The following C1QL4 variants were observed in gnomAD, a reference collection of about 807,000 sequenced individuals.
The protein encoded by C1QL4 is complement C1q like 4, also known as complement C1q-like protein 4.
Under a neutral mutation model 13.4 loss-of-function variants are expected in C1QL4, and 5 were observed. That is an observed-to-expected ratio of 0.37 (90% confidence interval 0.19 to 0.78). C1QL4 has a LOEUF of 0.78. Ranked by LOEUF, C1QL4 falls within the 30% of genes least tolerant of loss-of-function variation. The pLI, the probability that C1QL4 is intolerant of heterozygous loss-of-function variation, is 0.47. For missense variants in C1QL4, 367 were observed against 361.6 expected, an observed-to-expected ratio of 1.01 and a Z score of -0.12; for synonymous variants, 168 against 153.9, an observed-to-expected ratio of 1.09 and a Z score of -0.68.
In C1QL4 at chr12:49,336,725, G is replaced by A. The variant is rs930110885; in HGVS notation, c.-248C>T. On this transcript the variant is annotated 5_prime_UTR_variant, in exon 1 of 2. Transcript: ENST00000334221. This position sits in a 1 kb window ranked among gnomAD's most constrained non-coding sequence, Gnocchi z 7.7. ...CGCTCCCCAAGCCGTCCGTCAAGGG[G>A]AGGCCCCTCGTGGGTTACGTCAGGG... 7.1e-5 allele frequency: 33 copies of A among 461,772 alleles called. No individual in the cohort carries two copies. The Admixed American group carries it at 7.5e-4, about 10-fold the overall frequency. The allele number at this position is 461,772 out of a possible 1,614,324, so 28.6% of individuals were successfully genotyped here. A position where few individuals can be genotyped will look rare whatever the true frequency, so the allele number is the denominator to read the frequency against.
chr12:49,334,110 T>C (rs1943613044), intron 1 of C1QL4, among the ~76,000 whole-genome samples: 1 of 152,030 alleles, frequency 6.6e-6, no homozygotes, highest in Admixed American at 6.6e-5. Flanking sequence ...GGAGAATCGC[T>C]TGAACCCAGG....
chr12:49,335,488 A>G (rs571970195), intron 1 of C1QL4, among the ~76,000 whole-genome samples: 211 of 152,354 alleles, frequency 1.4e-3, no homozygotes, highest in African/African-American at 4.5e-3. Flanking sequence ...TGCCTGAGAC[A>G]TGGATTCCAT....
At position 49,336,005 on chromosome 12, in the gene C1QL4, T is replaced by C. The variant is rs765332041; in HGVS notation, c.473A>G (p.Tyr158Cys). Residue 158 changes from tyrosine (Y) to cysteine (C), a missense_variant, in exon 1 of 2, where the codon TAC (tyrosine) becomes TGC (cysteine). Tyr to Cys is a radical substitution (Grantham distance 194). Transcript: ENST00000334221. The surrounding 1 kb of genome is among the most constrained non-coding windows in gnomAD (Gnocchi z 7.7). ...CPMPGVYFFA[Y>C]HVLMRGGDGT... Reference sequence around the variant, plus strand: ...GTCGCCGCCGCGCATGAGCACGTGGTAAGCGAAGAAGTAGACGCCTGGCAT... The same window carrying C: ...GTCGCCGCCGCGCATGAGCACGTGGCAAGCGAAGAAGTAGACGCCTGGCAT... 4.3e-6 allele frequency: 7 copies of C among 1,611,096 alleles called. No individual in the cohort carries two copies. The Admixed American group carries it at 5.0e-5, about 12-fold the overall frequency.
chr12:49,336,531 C>G lies in C1QL4; in HGVS notation c.-54G>C. 1 of 1,421,482 alleles carries G rather than the reference C, an allele frequency of 7.0e-7. No homozygotes were observed. The highest frequency in any genetic ancestry group is 9.1e-7 in the Non-Finnish European group (1 of 1,099,118). 88.1% of individuals were successfully genotyped at this position (1,421,482 alleles called of 1,614,324 possible). ...CTCTTGCGGCGGCTCAGCCGCGACGCTGCCAGGGCCAGCAAATCTTCCTCA... is the reference window on the plus strand; with the variant it reads ...CTCTTGCGGCGGCTCAGCCGCGACGGTGCCAGGGCCAGCAAATCTTCCTCA... On this transcript the variant is annotated 5_prime_UTR_variant, in exon 1 of 2. Coordinates refer to ENST00000334221, the MANE Select transcript of C1QL4 (RefSeq NM_001008223.2). The surrounding 1 kb of genome is among the most constrained non-coding windows in gnomAD (Gnocchi z 7.7).
In C1QL4 at chr12:49,336,376, C is replaced by G. The variant is rs1047341734; in HGVS notation, c.102G>C (p.Pro34=). ...CGGGACCAGGGCCACGGGGCCCATG[C>G]GGGTCGCACACCATGCGGCAGCGAC... ...MLGRCRMVCD[P]HGPRGPGPDG... is the part of the protein sequence containing the mutation. The change falls in exon 1 of 2, where the codon CCG becomes CCC. Residue 34 remains proline (P), a synonymous_variant. Transcript: ENST00000334221. This position sits in a 1 kb window ranked among gnomAD's most constrained non-coding sequence, Gnocchi z 7.7. The G allele has an allele frequency of 2.7e-6, 4 of 1,467,958 alleles. No individual in the cohort carries two copies. The highest frequency in any genetic ancestry group is 3.6e-6 in the Non-Finnish European group (4 of 1,124,280). 90.9% of individuals were successfully genotyped at this position (1,467,958 alleles called of 1,614,324 possible).
At position 49,336,168 on chromosome 12, in the gene C1QL4, C is replaced by T. The variant is rs1282716927; in HGVS notation, c.310G>A (p.Ala104Thr). Residue 104 changes from alanine (A) to threonine (T), a missense_variant, in exon 1 of 2, where the codon GCC becomes ACC. Transcript: ENST00000334221. This position sits in a 1 kb window ranked among gnomAD's most constrained non-coding sequence, Gnocchi z 7.7. ...GPGPGGVAPA[A>T]GYVPRIAFYA... The stretch of plus-strand genomic sequence containing the variant: ...AAAGCAATGCGAGGCACGTAGCCGG[C>T]AGCGGGCGCCACCCCGCCCGGACCT... 6 of 1,600,290 alleles carry T rather than the reference C, an allele frequency of 3.7e-6. No individual in the cohort carries two copies. The highest frequency in any genetic ancestry group is 5.1e-6 in the Non-Finnish European group (6 of 1,173,668).
rs1053766745 is a variant in C1QL4, at chr12:49,337,156, C to A, written c.-679G>T. 25 of 152,286 alleles carry A rather than the reference C, an allele frequency of 1.6e-4. No homozygotes were observed. The highest frequency in any genetic ancestry group is 5.5e-4 in the African/African-American group (23 of 41,456). The allele number at this position is 152,286 out of a possible 1,614,324, so 9.4% of individuals were successfully genotyped here. ...CGCGGTCCCTCTCCGCCTCCCTAAC[C>A]TTCCTCCCCTCCCTCCCGGGCGCGG... is the stretch of plus-strand genomic sequence containing the variant. On this transcript the variant is annotated 5_prime_UTR_variant, in exon 1 of 2. In the 5' UTR this introduces an upstream ATG that the reference lacks. Coordinates refer to ENST00000334221, the MANE Select transcript of C1QL4 (RefSeq NM_001008223.2).
chr12:49,336,255 G>C lies in C1QL4; in HGVS notation c.223C>G (p.Pro75Ala). 6.9e-7 allele frequency: 1 copy of C among 1,442,582 alleles called. No homozygotes were observed. Among genetic ancestry groups the C allele is most frequent in the Non-Finnish European group, 9.1e-7 (1 of 1,103,430 alleles). The allele number at this position is 1,442,582 out of a possible 1,614,324, so 89.4% of individuals were successfully genotyped here. ...KAGLRGPPGP[P>A]GPRGPPGEPG... ...TCTCCTGGGGGCCCTCTTGGACCTG[G>C]TGGTCCAGGGGGCCCCCGCAGGCCT... The change falls in exon 1 of 2, where the codon CCA becomes GCA. Residue 75 changes from proline to alanine, a missense_variant. By Grantham distance (27) the Pro-to-Ala change is conservative. Transcript: ENST00000334221. This position sits in a 1 kb window ranked among gnomAD's most constrained non-coding sequence, Gnocchi z 7.7.
chr12:49,334,718 T>C (rs576668453), intron 1 of C1QL4, among the ~76,000 whole-genome samples: 2 of 152,178 alleles, frequency 1.3e-5, no homozygotes, highest in East Asian at 3.9e-4. Context: ...ACCTACTCGA[T>C]GTCATATACA....
In C1QL4 at chr12:49,336,387, C is replaced by T; in HGVS notation, c.91G>A (p.Val31Met). 2.7e-6 allele frequency: 4 copies of T among 1,494,622 alleles called. No individual in the cohort carries two copies. Among genetic ancestry groups the T allele is most frequent in the Non-Finnish European group, 3.5e-6 (4 of 1,139,112 alleles). The allele number at this position is 1,494,622 out of a possible 1,614,324, so 92.6% of individuals were successfully genotyped here. A position where few individuals can be genotyped will look rare whatever the true frequency, so the allele number is the denominator to read the frequency against. ...CCACGGGGCCCATGCGGGTCGCACA[C>T]CATGCGGCAGCGACCCAGCATCTCG... ...HYEMLGRCRM[V>M]CDPHGPRGPG... Residue 31 changes from valine to methionine, a missense_variant, in exon 1 of 2, where the codon GTG (valine) becomes ATG (methionine). By Grantham distance (21) the Val-to-Met change is conservative (BLOSUM62 1). Transcript: ENST00000334221. This position sits in a 1 kb window ranked among gnomAD's most constrained non-coding sequence, Gnocchi z 7.7.
Position 49,333,061 on chromosome 12 carries a change from G to C in C1QL4, c.710C>G (p.Pro237Arg), listed in dbSNP as rs758427451. ...YSTFSGFIIY[P>R]D Reference sequence around the variant, plus strand: ...GCACGGGGCGGGGCCGGCTCAGTCGGGGTAGATGATGAAGCCGGAGAAGGT... The same window carrying C: ...GCACGGGGCGGGGCCGGCTCAGTCGCGGTAGATGATGAAGCCGGAGAAGGT... Residue 237 changes from proline to arginine, a missense_variant, in exon 2 of 2, where the codon CCC becomes CGC. Transcript: ENST00000334221. 1.9e-6 allele frequency: 3 copies of C among 1,612,986 alleles called. No individual in the cohort carries two copies. The highest frequency in any genetic ancestry group is 2.5e-6 in the Non-Finnish European group (3 of 1,179,514).
chr12:49,336,873 G>A lies in C1QL4; in HGVS notation c.-396C>T. 1 of 185,008 alleles carries A rather than the reference G, an allele frequency of 5.4e-6. No individual in the cohort carries two copies. The highest frequency in any genetic ancestry group is 1.1e-5 in the Non-Finnish European group (1 of 89,848). 11.5% of individuals were successfully genotyped at this position (185,008 alleles called of 1,614,324 possible). ...GGTTTCTTAGGGATCTGAGATGCCT[G>A]CTCTCCAGACTGCTGCTCTCTCAGG... On this transcript the variant is annotated 5_prime_UTR_variant, in exon 1 of 2. Transcript: ENST00000334221. The surrounding 1 kb of genome is among the most constrained non-coding windows in gnomAD (Gnocchi z 7.7).
rs200135139 is a variant in C1QL4, at chr12:49,336,137, G to C, written c.341C>G (p.Ala114Gly). 1.3e-4 allele frequency: 209 copies of C among 1,610,268 alleles called. No homozygotes were observed. Among genetic ancestry groups the C allele is most frequent in the Non-Finnish European group, 1.8e-4 (209 of 1,178,954 alleles). ...AGYVPRIAFYAGLRRPHEGYE... is the reference protein window; with the variant it reads ...AGYVPRIAFYGGLRRPHEGYE... The stretch of plus-strand genomic sequence containing the variant: ...ACCCTCGTGGGGCCGCCGCAGGCCC[G>C]CGTAGAAAGCAATGCGAGGCACGTA... Residue 114 changes from alanine (A) to glycine (G), a missense_variant, in exon 1 of 2, where the codon GCG (alanine) becomes GGG (glycine). Ala to Gly is a moderately conservative substitution (Grantham distance 60). Coordinates refer to ENST00000334221, the MANE Select transcript of C1QL4 (RefSeq NM_001008223.2). The surrounding 1 kb of genome is among the most constrained non-coding windows in gnomAD (Gnocchi z 7.7).
Position 49,332,911 on chromosome 12 carries a change from C to T in C1QL4, c.*143G>A. On this transcript the variant is annotated 3_prime_UTR_variant, in exon 2 of 2. Coordinates refer to ENST00000334221, the MANE Select transcript of C1QL4 (RefSeq NM_001008223.2). Reference sequence around the variant, plus strand: ...TATACCCTTGAGCACCAAGAGTTCGCCCATTTAGGCCGCCTCCGGGAACGG... The same window carrying T: ...TATACCCTTGAGCACCAAGAGTTCGTCCATTTAGGCCGCCTCCGGGAACGG... 1.2e-6 allele frequency: 1 copy of T among 857,876 alleles called. No homozygotes were observed. The highest frequency in any genetic ancestry group is 1.8e-6 in the Non-Finnish European group (1 of 569,870). 53.1% of individuals were successfully genotyped at this position (857,876 alleles called of 1,614,324 possible). A position where few individuals can be genotyped will look rare whatever the true frequency, so the allele number is the denominator to read the frequency against.
rs779172441 is a variant in C1QL4, at chr12:49,333,226, G to T, written c.545C>A (p.Ala182Asp). The T allele has an allele frequency of 1.9e-5, 30 of 1,613,684 alleles. No individual in the cohort carries two copies. The highest frequency in any genetic ancestry group is 2.2e-5 in the Non-Finnish European group (26 of 1,179,808). ...ADLMKNGQVR[A>D]SAIAQDADQN... ...GTCCGCGTCCTGAGCAATGGCGCTG[G>T]CCCGGACCTATCGAGGGAGAAGAAC... is the stretch of plus-strand genomic sequence containing the variant. The change falls in exon 2 of 2, where the codon GCC becomes GAC. Residue 182 changes from alanine to aspartate, a missense_variant. Physicochemically the swap from Ala to Asp is moderately radical, Grantham distance 126. Coordinates refer to ENST00000334221, the MANE Select transcript of C1QL4 (RefSeq NM_001008223.2).
In C1QL4 at chr12:49,333,068, T is replaced by C; in HGVS notation, c.703A>G (p.Ile235Val). 6.2e-7 allele frequency: 1 copy of C among 1,613,382 alleles called. No individual in the cohort carries two copies. ...NKYSTFSGFI[I>V]YPD ...GCGGGGCCGGCTCAGTCGGGGTAGA[T>C]GATGAAGCCGGAGAAGGTGCTGTAC... The change falls in exon 2 of 2, where the codon ATC becomes GTC. Residue 235 changes from isoleucine (I) to valine (V), a missense_variant. Ile to Val is a conservative substitution (Grantham distance 29). Transcript: ENST00000334221.
chr12:49,333,195 G>GTT lies in C1QL4; in HGVS notation c.574_575dup (p.Asn192LysfsTer105). 6.2e-7 allele frequency: 1 copy of GTT among 1,614,124 alleles called. No homozygotes were observed. On this transcript the variant is annotated frameshift_variant, in exon 2 of 2. Coordinates refer to ENST00000334221, the MANE Select transcript of C1QL4 (RefSeq NM_001008223.2). LOFTEE classifies it high-confidence loss of function. ...TGACGCTGTTGCTGGCGTAGTCGTA[G>GTT]TTCTGGTCCGCGTCCTGAGCAATGG...
At chr12:49,333,543 CTTTT>C (rs369425945) in intron 1 of C1QL4, among the ~76,000 whole-genome samples, 1 of 133,474 alleles carries the variant, frequency 7.5e-6, no homozygotes, top group Admixed American at 7.5e-5. Context: ...GAGTGGTTTG[CTTTT>C]TTTTTTTTTT....
chr12:49,334,023 G>A (rs1269179980), intron 1 of C1QL4, among the ~76,000 whole-genome samples: 1 of 151,060 alleles, frequency 6.6e-6, no homozygotes. Flanking sequence ...GAGAAACCCC[G>A]TCTCTACTAA....
Sources: allele counts gnomAD v4.1 joint callset (sites outside exome capture counted in the v4.1 genomes callset), GRCh38; gene constraint gnomAD v4.1.1; non-coding constraint Gnocchi (gnomAD v3.1); transcripts MANE v1.5; gene names NCBI Gene and HGNC (gene_info 2026-07-23, HGNC 2026-07-21).